RRM2: variants seen among roughly 807,000 people sequenced by gnomAD.
The protein encoded by RRM2 is ribonucleoside-diphosphate reductase subunit M2.
In RRM2, 6 loss-of-function variants were observed where a neutral mutation model predicts 45.9. That is an observed-to-expected ratio of 0.13 (90% CI 0.07 to 0.26). The LOEUF (loss-of-function observed/expected upper bound fraction) is 0.26, where lower values mean the gene tolerates loss of function less well. Ranked by LOEUF, RRM2 falls within the 10% of genes least tolerant of loss-of-function variation. The probability of loss-of-function intolerance (pLI) is 1.00; values close to 1 mark genes in which losing one functional copy is unlikely to be tolerated. For missense variants in RRM2, 343 were observed against 489.5 expected (o/e 0.70, Z 2.82); for synonymous variants, 177 against 173.0 (o/e 1.02, Z -0.18).
In RRM2 at chr2:10,164,009, CGTGT is replaced by C. The variant is rs370774780; in HGVS notation, n.482+21648_482+21651del. Among the ~76,000 whole-genome samples the C allele has an allele frequency of 2.3e-4, 35 of 150,164 alleles. 1 individual carries two copies. The South Asian group carries it at 5.3e-3, about 23-fold the overall frequency. ...GCTAAAGCATGCATGTGAATGTGTG[CGTGT>C]GTGTGTGTGTGTGCATGAGTGTGAG... On this transcript the variant is annotated intron_variant and non_coding_transcript_variant, in intron 3 of 3. Coordinates refer to the RRM2 transcript ENST00000381786.
intron 3 of RRM2, among the ~76,000 whole-genome samples, chr2:10,163,338 T>A (rs867414749): frequency 1.5e-4 from 4 of 26,358 alleles, no homozygotes; most frequent in African/African-American, 1.5e-4. Context: ...GGCGGGGGGG[T>A]GGGGGGGCAT....
At chr2:10,159,917 C>T (rs1663520557) in intron 3 of RRM2, among the ~76,000 whole-genome samples, 1 of 152,146 alleles carries the variant, frequency 6.6e-6, no homozygotes, top group South Asian at 2.1e-4. Flanking sequence ...GCCCAGGAGG[C>T]CCGGCTCTCC....
At position 10,185,312 on chromosome 2, in the gene RRM2, G is replaced by A. The variant is rs530016534; in HGVS notation, n.483-24999G>A. On this transcript the variant is annotated intron_variant and non_coding_transcript_variant, in intron 3 of 3. Coordinates refer to the RRM2 transcript ENST00000381786. This position sits in a 1 kb window ranked among gnomAD's most constrained non-coding sequence, Gnocchi z 4.3. ...GAGAGAGAGGCAGGAGAGGCTGAGC[G>A]TGGGAGGGAGACAGACGGCATCGAT... 6.6e-6 allele frequency among the ~76,000 whole-genome samples: 1 copy of A among 152,268 alleles called. No individual in the cohort carries two copies. Among genetic ancestry groups the A allele is most frequent in the East Asian group, 1.9e-4 (1 of 5,190 alleles).
intron 3 of RRM2, among the ~76,000 whole-genome samples, chr2:10,194,167 G>C (rs994558685): frequency 6.6e-6 from 1 of 152,238 alleles, no homozygotes; most frequent in African/African-American, 2.4e-5. Context: ...AGAACCGGGA[G>C]AGCTGGAAAA....
At chr2:10,210,656 T>C (rs1463668890) in exon 4 of RRM2, 14 of 1,328,454 alleles carry the variant, frequency 1.1e-5, no homozygotes, top group Non-Finnish European at 1.4e-5. Context: ...GTGGGGGAAA[T>C]GGAACCCGCA....
chr2:10,193,792 TC>T (rs1292558651), intron 3 of RRM2, among the ~76,000 whole-genome samples: 1 of 152,058 alleles, frequency 6.6e-6, no homozygotes, highest in Non-Finnish European at 1.5e-5. Context: ...GAGCAACCCC[TC>T]TTCACCCTGG....
chr2:10,184,206 T>C (rs1432555708), intron 3 of RRM2, among the ~76,000 whole-genome samples: 1 of 150,376 alleles, frequency 6.6e-6, no homozygotes, highest in Non-Finnish European at 1.5e-5. Flanking sequence ...ACATCAGGAC[T>C]GCAAACATCC....
At chr2:10,184,699 A>C (rs1280632152) in intron 3 of RRM2, among the ~76,000 whole-genome samples, 1 of 152,194 alleles carries the variant, frequency 6.6e-6, no homozygotes, top group Non-Finnish European at 1.5e-5. Context: ...CTCGGTCTCC[A>C]TGGGTTTGGG....
intron 3 of RRM2, chr2:10,198,449 C>T (rs1391721709): frequency 6.6e-6 from 1 of 151,812 alleles, no homozygotes; most frequent in East Asian, 1.9e-4. Context: ...GTTGCCCAGC[C>T]TGGAGTGCAG....
chr2:10,156,435 G>T (rs371555579), intron 3 of RRM2, among the ~76,000 whole-genome samples: 1 of 152,198 alleles, frequency 6.6e-6, no homozygotes, highest in Non-Finnish European at 1.5e-5. Flanking sequence ...GTGAGCAGGG[G>T]AAGGGGCAGT....
At chr2:10,150,079 C>G (rs1340485071) in intron 3 of RRM2, among the ~76,000 whole-genome samples, 1 of 152,076 alleles carries the variant, frequency 6.6e-6, no homozygotes, top group Non-Finnish European at 1.5e-5. Context: ...TTTTGGAGGA[C>G]GAGGCGGGTG....
chr2:10,202,536 G>A (rs1664586814), intron 3 of RRM2, among the ~76,000 whole-genome samples: 1 of 152,210 alleles, frequency 6.6e-6, no homozygotes, highest in African/African-American at 2.4e-5. Flanking sequence ...TTTAGGGAGG[G>A]AGAGCTTATC....
rs866657060 is a variant in RRM2, at chr2:10,195,930, G to A, written n.483-14381G>A. On this transcript the variant is annotated intron_variant and non_coding_transcript_variant, in intron 3 of 3. Transcript: ENST00000381786. The surrounding 1 kb of genome is among the most constrained non-coding windows in gnomAD (Gnocchi z 4.9). ...TTTTGTTCCTACCCTCACTTCCAGTGTTGAACACAGTCATGCTAGAAATGG... is the reference window on the plus strand; with the variant it reads ...TTTTGTTCCTACCCTCACTTCCAGTATTGAACACAGTCATGCTAGAAATGG... Among the ~76,000 whole-genome samples the A allele has an allele frequency of 5.3e-5, 8 of 152,378 alleles. No individual in the cohort carries two copies. Among genetic ancestry groups the A allele is most frequent in the Middle Eastern group, 3.4e-3 (1 of 294 alleles).
At chr2:10,201,778 G>A (rs1664574147) in intron 3 of RRM2, among the ~76,000 whole-genome samples, 1 of 152,136 alleles carries the variant, frequency 6.6e-6, no homozygotes, top group South Asian at 2.1e-4. Flanking sequence ...AGGATTGTAG[G>A]AGTCTCCCAC....
intron 3 of RRM2, among the ~76,000 whole-genome samples, chr2:10,196,773 G>T (rs567512451): frequency 1.3e-5 from 2 of 152,248 alleles, no homozygotes; most frequent in South Asian, 2.1e-4. Context: ...AGCCAGAGCC[G>T]GGAGGCCAGA....
At chr2:10,177,259 A>AAAATAAAATT (rs1553326697) in intron 3 of RRM2, among the ~76,000 whole-genome samples, 2 of 124,840 alleles carry the variant, frequency 1.6e-5, no homozygotes, top group African/African-American at 2.9e-5. Flanking sequence ...AAAATAAAAT[A>AAAATAAAATT]AAATAATAGA....
At chr2:10,190,245 A>ATGG (rs1320607819) in intron 3 of RRM2, among the ~76,000 whole-genome samples, 6 of 141,552 alleles carry the variant, frequency 4.2e-5, no homozygotes, top group Non-Finnish European at 7.6e-5. Context: ...GATGGTGGTG[A>ATGG]TGGTGGTGGT....
At chr2:10,170,041 C>G (rs1663765981) in intron 3 of RRM2, among the ~76,000 whole-genome samples, 1 of 152,174 alleles carries the variant, frequency 6.6e-6, no homozygotes, top group Non-Finnish European at 1.5e-5. Flanking sequence ...CTGAAGGCAG[C>G]ATGGGAGGCC....
At chr2:10,177,774 A>G (rs961842269) in intron 3 of RRM2, among the ~76,000 whole-genome samples, 2 of 140,758 alleles carry the variant, frequency 1.4e-5, no homozygotes, top group Non-Finnish European at 3.0e-5. Flanking sequence ...GGCATGCGCC[A>G]TCACGTCTGT....
Sources: allele counts gnomAD v4.1 joint callset (sites outside exome capture counted in the v4.1 genomes callset), GRCh38; gene constraint gnomAD v4.1.1; non-coding constraint Gnocchi (gnomAD v3.1); transcripts MANE v1.5; gene names NCBI Gene and HGNC (gene_info 2026-07-23, HGNC 2026-07-21).